PCCB: variants seen among roughly 807,000 people sequenced by gnomAD.
PCCB encodes the protein propionyl-CoA carboxylase beta chain, mitochondrial.
Under a neutral mutation model 60.7 loss-of-function variants are expected in PCCB, and 43 were observed. The ratio of observed to expected loss-of-function variants is 0.71; its 90% CI spans 0.55 to 0.91. PCCB has a LOEUF of 0.91. Among genes scored for constraint, PCCB ranks in the 40% least tolerant of loss-of-function variants. The pLI is 0.00. For synonymous variants in PCCB, 276 were observed against 255.9 expected (o/e 1.08, Z -0.75); for missense variants, 766 against 702.8 (o/e 1.09, Z -1.02).
At chr3:136,273,992 C>G (rs1331613461) in intron 5 of PCCB, among the ~76,000 whole-genome samples, 1 of 151,530 alleles carries the variant, frequency 6.6e-6, no homozygotes, top group Non-Finnish European at 1.5e-5. Context: ...TCTCTTTCCC[C>G]CCCTTTACCT....
At chr3:136,287,045 A>AT (rs200801964) in intron 6 of PCCB, among the ~76,000 whole-genome samples, 2,388 of 151,678 alleles carry the variant, frequency 0.016, 75 homozygotes, top group African/African-American at 0.054. Flanking sequence ...AAAAAAAAAA[A>AT]AATAATAAAA....
Position 136,293,805 on chromosome 3 carries a change from C to T in PCCB, c.704C>T (p.Thr235Ile), listed in dbSNP as rs1410754943. ...GGCCCTGATGTTGTGAAGTCTGTCACCAATGAGGATGTTACCCAGGAGGAG... is the reference window on the plus strand; with the variant it reads ...GGCCCTGATGTTGTGAAGTCTGTCATCAATGAGGATGTTACCCAGGAGGAG... ...ITGPDVVKSV[T>I]NEDVTQEELG... is the part of the protein sequence containing the mutation. The change falls in exon 7 of 15, where the codon ACC becomes ATC. Residue 235 changes from threonine to isoleucine, a missense_variant. Transcript: ENST00000251654. 1 of 1,613,508 alleles carries T rather than the reference C, an allele frequency of 6.2e-7. No homozygotes were observed. Among genetic ancestry groups the T allele is most frequent in the Non-Finnish European group, 8.5e-7 (1 of 1,179,586 alleles).
chr3:136,326,434 G>T (rs1327326053), intron 10 of PCCB: 20 of 701,856 alleles, frequency 2.8e-5, no homozygotes, highest in Non-Finnish European at 4.9e-5. Context: ...AGGGCACGTT[G>T]CCATCATCAG....
At position 136,305,645 on chromosome 3, in the gene PCCB, A is replaced by G. The variant is rs544255768; in HGVS notation, c.966+4534A>G. ...GTCCCTGTAATCCCAGCTACTGGAG[A>G]GACTGAGGCAGGAGAATCACTTAAA... is the stretch of plus-strand genomic sequence containing the variant. On this transcript the variant is annotated intron_variant, in intron 9 of 14. Coordinates refer to ENST00000251654, the MANE Select transcript of PCCB (RefSeq NM_000532.5). 4.3e-5 allele frequency among the ~76,000 whole-genome samples: 5 copies of G among 115,280 alleles called. 2 individuals carry two copies. In the Admixed American group the frequency reaches 5.4e-4, roughly 13 times the overall value. 75.6% of individuals were successfully genotyped at this position (115,280 alleles called of 152,430 possible). A position where few individuals can be genotyped will look rare whatever the true frequency, so the allele number is the denominator to read the frequency against.
At chr3:136,297,176 A>G (rs1171757122) in intron 7 of PCCB, among the ~76,000 whole-genome samples, 1 of 152,140 alleles carries the variant, frequency 6.6e-6, no homozygotes, top group African/African-American at 2.4e-5. Flanking sequence ...GGCAGAGGGG[A>G]ACAGCTTATG....
chr3:136,300,373 G>T (rs144877618), intron 8 of PCCB, among the ~76,000 whole-genome samples: 34 of 152,316 alleles, frequency 2.2e-4, no homozygotes, highest in Admixed American at 3.9e-4. Flanking sequence ...AGGAGGGAAT[G>T]AAAGCCTATT....
intron 9 of PCCB, among the ~76,000 whole-genome samples, chr3:136,314,982 C>T (rs747917028): frequency 2.0e-5 from 3 of 152,266 alleles, no homozygotes; most frequent in Non-Finnish European, 4.4e-5. Context: ...TGTGGAAAGG[C>T]TTAGCTCAAA....
chr3:136,254,211 C>CT lies in PCCB; in HGVS notation c.184-1637dup, dbSNP rs936972283. Among the ~76,000 whole-genome samples the CT allele has an allele frequency of 7.3e-5, 11 of 150,994 alleles. 1 individual carries two copies. The highest frequency in any genetic ancestry group is 1.2e-4 in the African/African-American group (5 of 41,064). On this transcript the variant is annotated intron_variant, in intron 1 of 14. Coordinates refer to ENST00000251654, the MANE Select transcript of PCCB (RefSeq NM_000532.5). ...AGCTTGGGAGCCCAAGCAATGGCGG[C>CT]TTTTTTTTGTTTGTTTTTGTTTTTT...
Position 136,283,893 on chromosome 3 carries a change from T to C in PCCB, c.600T>C (p.Cys200=), listed in dbSNP as rs759098964. The part of the protein sequence containing the change: ...IPQISLIMGP[C]AGGAVYSPAL... ...AGATTTCTCTGATCATGGGCCCATG[T>C]GCTGGTGGGGCCGTCTACTCCCCAG... is the stretch of plus-strand genomic sequence containing the variant. Residue 200 remains cysteine, a synonymous_variant, in exon 6 of 15, where the codon TGT becomes TGC. Transcript: ENST00000251654. 2 of 1,613,842 alleles carry C rather than the reference T, an allele frequency of 1.2e-6. No individual in the cohort carries two copies. The highest frequency in any genetic ancestry group is 1.7e-6 in the Non-Finnish European group (2 of 1,179,846).
At chr3:136,263,700 CTT>C (rs1941893077) in intron 5 of PCCB, among the ~76,000 whole-genome samples, 1 of 152,044 alleles carries the variant, frequency 6.6e-6, no homozygotes, top group Non-Finnish European at 1.5e-5. Context: ...TTTTTGGTAA[CTT>C]TTTATTTTGA....
At chr3:136,281,447 G>T (rs185007165) in intron 5 of PCCB, among the ~76,000 whole-genome samples, 1 of 151,424 alleles carries the variant, frequency 6.6e-6, no homozygotes, top group Non-Finnish European at 1.5e-5. Context: ...CAGGCTTTCT[G>T]CTTGGTTCCT....
At chr3:136,279,767 A>T (rs1221689420) in intron 5 of PCCB, among the ~76,000 whole-genome samples, 1 of 151,892 alleles carries the variant, frequency 6.6e-6, no homozygotes, top group Non-Finnish European at 1.5e-5. Context: ...TCCCAGGTTC[A>T]CGCCATTCTC....
intron 5 of PCCB, among the ~76,000 whole-genome samples, chr3:136,268,105 T>TATGTATATATATAG (rs1942077439): frequency 1.6e-5 from 2 of 128,218 alleles, no homozygotes; most frequent in Non-Finnish European, 3.2e-5. Flanking sequence ...TATATATATA[T>TATGTATATATATAG]ATATATATAT....
At chr3:136,256,239 T>G (rs950013507) in intron 2 of PCCB, 3 of 569,384 alleles carry the variant, frequency 5.3e-6, no homozygotes, top group Non-Finnish European at 6.2e-6. Flanking sequence ...GACCGTACCC[T>G]GCCTTGTGTT....
intron 6 of PCCB, among the ~76,000 whole-genome samples, chr3:136,293,114 G>A (rs906525227): frequency 6.6e-6 from 1 of 152,042 alleles, no homozygotes; most frequent in Non-Finnish European, 1.5e-5. Flanking sequence ...TGATTGTCCC[G>A]CCTCACTCTC....
rs1278787092 is a variant in PCCB at position 136,302,342 on chromosome 3, A to C, written c.966+1231A>C. Among the ~76,000 whole-genome samples the C allele has an allele frequency of 3.3e-5, 4 of 121,480 alleles. 2 individuals are homozygous for C. The highest frequency in any genetic ancestry group is 7.3e-5 in the Non-Finnish European group (4 of 54,484). The allele number at this position is 121,480 out of a possible 152,430, so 79.7% of individuals were successfully genotyped here. A position where few individuals can be genotyped will look rare whatever the true frequency, so the allele number is the denominator to read the frequency against. On this transcript the variant is annotated intron_variant, in intron 9 of 14. Coordinates refer to ENST00000251654, the MANE Select transcript of PCCB (RefSeq NM_000532.5). Reference sequence around the variant, plus strand: ...TCTTTCAACAGACGCCAGAGTCAAAATAGTTCCATCAGACAGATTCTGCCA... The same window carrying C: ...TCTTTCAACAGACGCCAGAGTCAAACTAGTTCCATCAGACAGATTCTGCCA...
chr3:136,280,228 A>G (rs766867836), intron 5 of PCCB, among the ~76,000 whole-genome samples: 2 of 152,306 alleles, frequency 1.3e-5, no homozygotes, highest in East Asian at 3.9e-4. Context: ...TGGCGTGTCT[A>G]TTGCAAATGA....
chr3:136,287,439 GTTTT>G (rs113800160), intron 6 of PCCB, among the ~76,000 whole-genome samples: 1 of 146,782 alleles, frequency 6.8e-6, no homozygotes, highest in Non-Finnish European at 1.5e-5. Context: ...GGTGTTTTTT[GTTTT>G]TTTTTTGAGA....
chr3:136,314,711 C>T (rs916952438), intron 9 of PCCB, among the ~76,000 whole-genome samples: 3 of 152,102 alleles, frequency 2.0e-5, no homozygotes, highest in East Asian at 1.9e-4. Flanking sequence ...CATTTGGCAG[C>T]TATCATGACA....
Sources: gnomAD v4.1 joint callset for allele counts (sites outside exome capture counted in the v4.1 genomes callset) on GRCh38, gnomAD v4.1.1 for gene constraint, MANE v1.5 for transcripts, NCBI Gene and HGNC (gene_info 2026-07-23, HGNC 2026-07-21) for gene names.